Variants in CABLES1 observed in about 807,000 individuals in gnomAD.
CABLES1 encodes Cdk5 and Abl enzyme substrate 1.
Under a neutral mutation model 57.8 loss-of-function variants are expected in CABLES1, and 36 were observed. The ratio of observed to expected loss-of-function variants is 0.62; its 90% CI spans 0.48 to 0.82. The LOEUF is 0.82. Ranked by LOEUF, CABLES1 falls within the 40% of genes least tolerant of loss-of-function variation. The pLI, the probability that CABLES1 is intolerant of heterozygous loss-of-function variation, is 0.00. For missense variants in CABLES1, 767 were observed against 836.6 expected (o/e 0.92, Z 1.03); for synonymous variants, 374 against 363.0 (o/e 1.03, Z -0.35).
At chr18:23,138,417 C>CGGA (rs1200558279) in intron 1 of CABLES1, among the ~76,000 whole-genome samples, 1 of 152,188 alleles carries the variant, frequency 6.6e-6, no homozygotes, top group Non-Finnish European at 1.5e-5. Context: ...CTGACAGTCA[C>CGGA]TTTCATCCTA....
intron 4 of CABLES1, among the ~76,000 whole-genome samples, chr18:23,220,164 C>T (rs973782068): frequency 1.3e-5 from 2 of 152,170 alleles, no homozygotes; most frequent in African/African-American, 4.8e-5. Context: ...CCAGCATGCT[C>T]TTCCTTACCG....
rs1598898296 is a variant in CABLES1 at position 23,258,660 on chromosome 18, T to C, written c.*1293T>C. 1 of 152,260 alleles carries C rather than the reference T, an allele frequency of 6.6e-6. No homozygotes were observed. The highest frequency in any genetic ancestry group is 6.5e-5 in the Admixed American group (1 of 15,282). 9.4% of individuals were successfully genotyped at this position (152,260 alleles called of 1,614,324 possible). ...ACTCTTGTTGCTTTTTGTATACCTG[T>C]ATGCGTTTGTGTAGACGTGTGTCTC... is the stretch of plus-strand genomic sequence containing the variant. On this transcript the variant is annotated 3_prime_UTR_variant, in exon 10 of 10. Transcript: ENST00000256925.
At position 23,245,600 on chromosome 18, in the gene CABLES1, C is replaced by G. The variant is rs150799626; in HGVS notation, c.1447-7360C>G. On this transcript the variant is annotated intron_variant, in intron 7 of 9. Coordinates refer to ENST00000256925, the MANE Select transcript of CABLES1 (RefSeq NM_001100619.3). Reference sequence around the variant, plus strand: ...AACTAAGTTGTGGTCTTCTCTTTTCCTGTTATCTCAGAAGGAATTTGTCTA... The same window carrying G: ...AACTAAGTTGTGGTCTTCTCTTTTCGTGTTATCTCAGAAGGAATTTGTCTA... Among the ~76,000 whole-genome samples, 760 of 152,228 alleles carry G rather than the reference C, an allele frequency of 5.0e-3. 9 individuals carry two copies. Among genetic ancestry groups the G allele is most frequent in the African/African-American group, 0.017 (709 of 41,526 alleles).
At position 23,220,147 on chromosome 18, in the gene CABLES1, G is replaced by A. The variant is rs73968414; in HGVS notation, c.1088+6093G>A. Among the ~76,000 whole-genome samples the A allele has an allele frequency of 6.8e-3, 1,033 of 152,270 alleles. 13 individuals carry two copies. The highest frequency in any genetic ancestry group is 0.024 in the African/African-American group (981 of 41,546). On this transcript the variant is annotated intron_variant, in intron 4 of 9. Coordinates refer to ENST00000256925, the MANE Select transcript of CABLES1 (RefSeq NM_001100619.3). ...ACTGCCCGAGTATCTAACAGCCACC[G>A]CAGTCTCCAGCATGCTCTTCCTTAC... is the stretch of plus-strand genomic sequence containing the variant.
intron 1 of CABLES1, among the ~76,000 whole-genome samples, chr18:23,163,951 A>G (rs1395679839): frequency 6.6e-6 from 1 of 152,162 alleles, no homozygotes; most frequent in Non-Finnish European, 1.5e-5. Flanking sequence ...TGTTATCCCC[A>G]TTCTACTGAT....
intron 3 of CABLES1, among the ~76,000 whole-genome samples, chr18:23,195,210 G>A (rs2047273514): frequency 6.6e-6 from 1 of 152,202 alleles, no homozygotes; most frequent in South Asian, 2.1e-4. Flanking sequence ...GGATGGCTAA[G>A]TCCATTCATC....
intron 4 of CABLES1, among the ~76,000 whole-genome samples, chr18:23,222,486 A>T (rs1430082247): frequency 2.0e-5 from 3 of 150,556 alleles, no homozygotes; most frequent in Non-Finnish European, 4.4e-5. Context: ...ACTTTCGAGA[A>T]TTGCTATGTT....
At chr18:23,187,484 T>C (rs1454154007) in intron 1 of CABLES1, among the ~76,000 whole-genome samples, 1 of 152,230 alleles carries the variant, frequency 6.6e-6, no homozygotes, top group Non-Finnish European at 1.5e-5. Context: ...CCTCCCGGGT[T>C]CACGCCATTC....
chr18:23,258,063 A>ATGAC lies in CABLES1; in HGVS notation c.*701_*704dup, dbSNP rs1289932045. ...GTTTGACATCCTCCACCCTTAGAAA[A>ATGAC]TGACTGACATTGTTTTGTTACTGCT... is the stretch of plus-strand genomic sequence containing the variant. On this transcript the variant is annotated 3_prime_UTR_variant, in exon 10 of 10. Coordinates refer to ENST00000256925, the MANE Select transcript of CABLES1 (RefSeq NM_001100619.3). The ATGAC allele has an allele frequency of 2.0e-5, 3 of 152,208 alleles. No individual in the cohort carries two copies. The highest frequency in any genetic ancestry group is 2.1e-4 in the South Asian group (1 of 4,816). The allele number at this position is 152,208 out of a possible 1,614,324, so 9.4% of individuals were successfully genotyped here.
chr18:23,190,354 T>C (rs1286081992), intron 2 of CABLES1: 1 of 152,180 alleles, frequency 6.6e-6, no homozygotes, highest in African/African-American at 2.4e-5. Context: ...GAGAGGCTAC[T>C]AGAAGCCATG....
chr18:23,171,363 G>A (rs1375560438), intron 1 of CABLES1, among the ~76,000 whole-genome samples: 1 of 152,160 alleles, frequency 6.6e-6, no homozygotes, highest in African/African-American at 2.4e-5. Flanking sequence ...GCAAATGAAG[G>A]GTGGATGACT....
intron 3 of CABLES1, among the ~76,000 whole-genome samples, chr18:23,208,780 G>T (rs1458872047): frequency 6.6e-6 from 1 of 152,160 alleles, no homozygotes; most frequent in Non-Finnish European, 1.5e-5. Context: ...GAAGCGCGGG[G>T]GCCATGTTCC....
chr18:23,242,264 A>G (rs1244573113), intron 7 of CABLES1, among the ~76,000 whole-genome samples: 3 of 152,160 alleles, frequency 2.0e-5, no homozygotes, highest in African/African-American at 7.2e-5. Flanking sequence ...GGTGACGAGA[A>G]TGAAACTCTG....
chr18:23,232,485 A>G (rs913424920), intron 4 of CABLES1, among the ~76,000 whole-genome samples: 3 of 152,210 alleles, frequency 2.0e-5, no homozygotes, highest in Admixed American at 6.5e-5. Context: ...TTTGCTTTGT[A>G]GGCACTTCCC....
intron 7 of CABLES1, among the ~76,000 whole-genome samples, chr18:23,250,993 T>G (rs1057334443): frequency 6.6e-6 from 1 of 152,248 alleles, no homozygotes; most frequent in Non-Finnish European, 1.5e-5. Context: ...ATGTCTGTGC[T>G]AAAATCCTGT....
chr18:23,238,211 AGT>A (rs2047653256), intron 7 of CABLES1, among the ~76,000 whole-genome samples: 1 of 152,230 alleles, frequency 6.6e-6, no homozygotes, highest in Admixed American at 6.5e-5. Flanking sequence ...CAGTAGCCAG[AGT>A]GGAAACCAAT....
chr18:23,138,978 G>A (rs1358308513), intron 1 of CABLES1, among the ~76,000 whole-genome samples: 4 of 152,096 alleles, frequency 2.6e-5, no homozygotes, highest in South Asian at 2.1e-4. Context: ...GCAGTTTAAC[G>A]AGATCCTCAG....
chr18:23,226,338 G>C (rs1483451146), intron 4 of CABLES1, among the ~76,000 whole-genome samples: 5 of 151,562 alleles, frequency 3.3e-5, no homozygotes, highest in Non-Finnish European at 7.4e-5. Flanking sequence ...AGAAGTGGAG[G>C]TTGCAGTGAG....
Position 23,214,236 on chromosome 18 carries a change from G to A in CABLES1, c.1088+182G>A, listed in dbSNP as rs772041041. Reference sequence around the variant, plus strand: ...TTCTTTTCAGCCAGAAAGCTTCCTCGTTGTGTGTGTGCGTGTGTGTCCCAT... The same window carrying A: ...TTCTTTTCAGCCAGAAAGCTTCCTCATTGTGTGTGTGCGTGTGTGTCCCAT... On this transcript the variant is annotated intron_variant, in intron 4 of 9. Transcript: ENST00000256925. 41 of 563,002 alleles carry A rather than the reference G, an allele frequency of 7.3e-5. No homozygotes were observed. The East Asian group carries it at 7.8e-4, about 11-fold the overall frequency. 34.9% of individuals were successfully genotyped at this position (563,002 alleles called of 1,614,324 possible).
Sources: allele counts gnomAD v4.1 joint callset (sites outside exome capture counted in the v4.1 genomes callset), GRCh38; gene constraint gnomAD v4.1.1; transcripts MANE v1.5; gene names NCBI Gene and HGNC (gene_info 2026-07-23, HGNC 2026-07-21).